CNBD1: variants seen among roughly 807,000 people sequenced by gnomAD.
CNBD1 encodes the protein cyclic nucleotide-binding domain-containing protein 1.
Under a neutral mutation model 54.4 loss-of-function variants are expected in CNBD1, and 71 were observed. The ratio of observed to expected loss-of-function variants is 1.30; its 90% confidence interval spans 1.08 to 1.59. The LOEUF (loss-of-function observed/expected upper bound fraction) is 1.59. Among genes scored for constraint, CNBD1 ranks in the 40% most tolerant of loss-of-function variants. The pLI, the probability that CNBD1 is intolerant of heterozygous loss-of-function variation, is 0.00. For synonymous variants in CNBD1, 182 were observed against 170.7 expected (o/e 1.07, Z -0.51); for missense variants, 659 against 518.0 (o/e 1.27, Z -2.64).
intron 4 of CNBD1, among the ~76,000 whole-genome samples, chr8:87,197,224 G>A (rs2130790668): frequency 6.6e-6 from 1 of 152,310 alleles, no homozygotes; most frequent in South Asian, 2.1e-4. Flanking sequence ...TTCCTACAGT[G>A]AGAGTGTGCC....
At chr8:87,396,563 C>T (rs1175509847) in intron 2 of CNBD1, among the ~76,000 whole-genome samples, 1 of 151,764 alleles carries the variant, frequency 6.6e-6, no homozygotes, top group African/African-American at 2.4e-5. Context: ...ATTTAAATAT[C>T]ATTTTAATTT....
intron 2 of CNBD1, among the ~76,000 whole-genome samples, chr8:87,407,385 C>A (rs1586083515): frequency 6.6e-6 from 1 of 151,964 alleles, no homozygotes; most frequent in African/African-American, 2.4e-5. Context: ...TACGAACATA[C>A]TATATGATGT....
At chr8:86,961,671 T>G (rs1419854252) in intron 4 of CNBD1, among the ~76,000 whole-genome samples, 2 of 152,250 alleles carry the variant, frequency 1.3e-5, no homozygotes, top group Non-Finnish European at 2.9e-5. Context: ...TAGGCACTAG[T>G]GCTGCTTTGT....
intron 4 of CNBD1, among the ~76,000 whole-genome samples, chr8:87,109,770 C>G (rs1367501438): frequency 6.6e-6 from 1 of 151,876 alleles, no homozygotes; most frequent in East Asian, 1.9e-4. Flanking sequence ...GATCTCCTGA[C>G]CTTGTGATCT....
chr8:87,314,805 G>A (rs2130893764), intron 8 of CNBD1, among the ~76,000 whole-genome samples: 1 of 151,914 alleles, frequency 6.6e-6, no homozygotes, highest in South Asian at 2.1e-4. Context: ...TAAATATCTA[G>A]AAAAAAGTTA....
chr8:87,314,385 G>A (rs190753278), intron 8 of CNBD1, among the ~76,000 whole-genome samples: 6 of 151,648 alleles, frequency 4.0e-5, no homozygotes, highest in African/African-American at 1.2e-4. Context: ...TATCTTTATG[G>A]CAGCTAAAAA....
At chr8:87,316,163 C>A (rs1438824142) in intron 8 of CNBD1, among the ~76,000 whole-genome samples, 1 of 151,886 alleles carries the variant, frequency 6.6e-6, no homozygotes, top group African/African-American at 2.4e-5. Context: ...GCATAACATA[C>A]AAACAGCAAG....
chr8:86,958,469 C>T (rs113889414), intron 4 of CNBD1, among the ~76,000 whole-genome samples: 3 of 152,280 alleles, frequency 2.0e-5, no homozygotes, highest in South Asian at 2.1e-4. Context: ...GTCTAAGTCT[C>T]TTTGTTGGTC....
intron 8 of CNBD1, among the ~76,000 whole-genome samples, chr8:87,339,079 T>C (rs1268011115): frequency 1.3e-5 from 2 of 152,180 alleles, no homozygotes; most frequent in Admixed American, 1.3e-4. Flanking sequence ...AATATTTTTC[T>C]TCCTTCAGGT....
intron 4 of CNBD1, among the ~76,000 whole-genome samples, chr8:87,141,863 C>T (rs1472197049): frequency 1.3e-5 from 2 of 151,964 alleles, no homozygotes; most frequent in Non-Finnish European, 2.9e-5. Context: ...CACTCAGGGC[C>T]TATACTAAAT....
rs543546276 is a variant in CNBD1, at chr8:87,138,059, A to C, written c.432-67934A>C. ...ATTCGGATTATTTCTTAAAATGTCA[A>C]TTCTTTTCCCTGATAGTTACCAGAT... On this transcript the variant is annotated intron_variant, in intron 4 of 10. Transcript: ENST00000518476. Among the ~76,000 whole-genome samples the C allele has an allele frequency of 2.0e-5, 3 of 152,292 alleles. No individual in the cohort carries two copies. The East Asian group carries it at 5.8e-4, about 29-fold the overall frequency.
chr8:87,123,544 A>T (rs1811930629), intron 4 of CNBD1, among the ~76,000 whole-genome samples: 2 of 151,920 alleles, frequency 1.3e-5, no homozygotes, highest in South Asian at 2.1e-4. Flanking sequence ...CATTTATAGC[A>T]TTTAATGCTT....
intron 4 of CNBD1, among the ~76,000 whole-genome samples, chr8:87,202,576 G>T (rs550741403): frequency 3.3e-5 from 5 of 152,114 alleles, no homozygotes; most frequent in Non-Finnish European, 7.4e-5. Context: ...CCCCATGAGC[G>T]TATGCACCAA....
At chr8:86,992,449 A>G (rs900656655) in intron 4 of CNBD1, among the ~76,000 whole-genome samples, 4 of 152,108 alleles carry the variant, frequency 2.6e-5, no homozygotes, top group African/African-American at 9.7e-5. Context: ...TCTTAAATGA[A>G]GCATTTAGAC....
chr8:87,016,417 G>A (rs573305696), intron 4 of CNBD1, among the ~76,000 whole-genome samples: 4 of 148,296 alleles, frequency 2.7e-5, no homozygotes, highest in Admixed American at 6.7e-5. Context: ...TTTAAAACTT[G>A]CTTTAAAATA....
At chr8:87,109,234 C>T (rs915408497) in intron 4 of CNBD1, among the ~76,000 whole-genome samples, 17 of 151,944 alleles carry the variant, frequency 1.1e-4, no homozygotes, top group South Asian at 1.0e-3. Flanking sequence ...TGTATCCAGC[C>T]GGTAGGGGGC....
At chr8:87,067,399 T>C (rs745791641) in intron 4 of CNBD1, among the ~76,000 whole-genome samples, 8 of 151,990 alleles carry the variant, frequency 5.3e-5, no homozygotes, top group African/African-American at 1.9e-4. Context: ...GACTTTGCTA[T>C]TGAAATTTTA....
At chr8:86,867,426 T>C (rs565461332) in intron 1 of CNBD1, among the ~76,000 whole-genome samples, 1 of 152,328 alleles carries the variant, frequency 6.6e-6, no homozygotes, top group East Asian at 1.9e-4. Context: ...TCCATCCTTT[T>C]CCCTTCCTGT....
chr8:87,171,667 C>T (rs1038914231), intron 4 of CNBD1, among the ~76,000 whole-genome samples: 4 of 151,150 alleles, frequency 2.6e-5, no homozygotes, highest in Non-Finnish European at 5.9e-5. Flanking sequence ...GAGGCAGAGT[C>T]TAGCTCTGTC....
Sources: allele counts gnomAD v4.1 joint callset (sites outside exome capture counted in the v4.1 genomes callset), GRCh38; gene constraint gnomAD v4.1.1; transcripts MANE v1.5; gene names NCBI Gene and HGNC (gene_info 2026-07-23, HGNC 2026-07-21).